VPS13C: variants seen among roughly 807,000 people sequenced by gnomAD.
The protein encoded by VPS13C is vacuolar protein sorting 13 homolog C.
Under a neutral mutation model 456.8 loss-of-function variants are expected in VPS13C, and 358 were observed. The observed-to-expected ratio is 0.78, with a 90% CI of 0.72 to 0.86. The LOEUF (loss-of-function observed/expected upper bound fraction) is 0.86. Among genes scored for constraint, VPS13C ranks in the 40% least tolerant of loss-of-function variants. VPS13C has a pLI of 0.00. For synonymous variants in VPS13C, 1,578 were observed against 1,486.7 expected, an observed-to-expected ratio of 1.06 and a Z score of -1.41; for missense variants, 4,818 against 4,385.4, an observed-to-expected ratio of 1.10 and a Z score of -2.79.
chr15:61,873,959 T>TACACACACAC lies in VPS13C; in HGVS notation c.10415-560_10415-551dup, dbSNP rs67985179. Among the ~76,000 whole-genome samples the TACACACACAC allele has an allele frequency of 5.8e-3, 868 of 149,834 alleles. 9 individuals are homozygous for TACACACACAC. Among genetic ancestry groups the TACACACACAC allele is most frequent in the African/African-American group, 0.02 (796 of 40,812 alleles). On this transcript the variant is annotated intron_variant, in intron 77 of 84. Coordinates refer to ENST00000644861, the MANE Select transcript of VPS13C (RefSeq NM_020821.3). ...GGATGAATGGATAAAGAAAATGTGATACACACACACACACACACAAACAGA... is the reference window on the plus strand; with the variant it reads ...GGATGAATGGATAAAGAAAATGTGATACACACACACACACACACACACACACACAAACAGA...
At chr15:61,910,745 C>G (rs994146002) in intron 63 of VPS13C, among the ~76,000 whole-genome samples, 6 of 152,044 alleles carry the variant, frequency 3.9e-5, no homozygotes, top group African/African-American at 1.4e-4. Context: ...CACCACAGAC[C>G]TTGCTGGAAG....
At chr15:61,977,058 A>G (rs2140368127) in intron 24 of VPS13C, 24 bp downstream of exon 24, 2 of 1,495,480 alleles carry the variant, frequency 1.3e-6, no homozygotes, top group East Asian at 4.7e-5. Flanking sequence ...TGATTTTCTA[A>G]TATAAAAGAA....
intron 8 of VPS13C, 58 bp from the exon 9 acceptor site, chr15:62,020,596 C>G: frequency 6.5e-7 from 1 of 1,540,912 alleles, no homozygotes; most frequent in Non-Finnish European, 8.9e-7. Flanking sequence ...GAATCCATGT[C>G]CTTTACAATA....
chr15:61,919,947 A>C, intron 57 of VPS13C, 120 bp downstream of exon 57: 1 of 985,834 alleles, frequency 1.0e-6, no homozygotes, highest in Non-Finnish European at 1.4e-6. Flanking sequence ...GTTAGCAATT[A>C]TATGTTTCAA....
At position 61,943,472 on chromosome 15, in the gene VPS13C, C is replaced by T. The variant is rs190985678; in HGVS notation, c.5149-1405G>A. ...ACCCAGAAATAAAGCTGTACACCTACAGCCACCTGTTCTTTGACAAAGTCA... is the reference window on the plus strand; with the variant it reads ...ACCCAGAAATAAAGCTGTACACCTATAGCCACCTGTTCTTTGACAAAGTCA... On this transcript the variant is annotated intron_variant, in intron 45 of 84. Coordinates refer to ENST00000644861, the MANE Select transcript of VPS13C (RefSeq NM_020821.3). 1.3e-3 allele frequency among the ~76,000 whole-genome samples: 194 copies of T among 152,242 alleles called. 3 individuals carry two copies. In the Middle Eastern group the frequency reaches 0.024, roughly 19 times the overall value.
intron 77 of VPS13C, among the ~76,000 whole-genome samples, chr15:61,874,534 C>T (rs947892646): frequency 1.3e-5 from 2 of 151,934 alleles, no homozygotes; most frequent in Non-Finnish European, 2.9e-5. Flanking sequence ...AGCATTATCA[C>T]AATATATAGC....
chr15:61,911,982 C>A lies in VPS13C; in HGVS notation c.8573G>T (p.Ser2858Ile). The A allele has an allele frequency of 6.2e-7, 1 of 1,603,084 alleles. No homozygotes were observed. Among genetic ancestry groups the A allele is most frequent in the Non-Finnish European group, 8.5e-7 (1 of 1,174,732 alleles). ...EYLVGVSIKMSSFNLSRIVTL... is the reference protein window; with the variant it reads ...EYLVGVSIKMISFNLSRIVTL... ...AACTATTCGTGAAAGGTTGAAACTG[C>A]TCATTTTGATGCTAACACCAACCTG... is the stretch of plus-strand genomic sequence containing the variant. The change falls in exon 63 of 85, where the codon AGC becomes ATC. Residue 2858 changes from serine (S) to isoleucine (I), a missense_variant. Coordinates refer to ENST00000644861, the MANE Select transcript of VPS13C (RefSeq NM_020821.3).
intron 22 of VPS13C, among the ~76,000 whole-genome samples, chr15:61,979,359 G>C (rs1166289554): frequency 6.6e-6 from 1 of 152,148 alleles, no homozygotes; most frequent in African/African-American, 2.4e-5. Context: ...GATCTAGTTT[G>C]AGTCACTAAG....
rs747995041 is a variant in VPS13C at position 61,881,582 on chromosome 15, T to A, written c.9757A>T (p.Ser3253Cys). 6.2e-7 allele frequency: 1 copy of A among 1,612,258 alleles called. No individual in the cohort carries two copies. The highest frequency in any genetic ancestry group is 2.2e-5 in the East Asian group (1 of 44,752). Reference sequence around the variant, plus strand: ...ACTTACTTGAACTGTAAGACTTTACTGTACTCATTAAATCTTGTGATGACA... The same window carrying A: ...ACTTACTTGAACTGTAAGACTTTACAGTACTCATTAAATCTTGTGATGACA... ...VSVITRFNEY[S>C]KVLQFKYFMV... The change falls in exon 71 of 85, where the codon AGT becomes TGT. Residue 3253 changes from serine (S) to cysteine (C), a missense_variant. By Grantham distance (112) the Ser-to-Cys change is moderately radical. Transcript: ENST00000644861.
chr15:62,049,192 G>C (rs1407551788), intron 1 of VPS13C, among the ~76,000 whole-genome samples: 1 of 152,192 alleles, frequency 6.6e-6, no homozygotes, highest in Non-Finnish European at 1.5e-5. Context: ...CCTATGTCCT[G>C]AATGGTATTG....
At chr15:61,934,366 A>T (rs745507411) in intron 48 of VPS13C, 35 bp from the exon 49 acceptor site, 7 of 1,169,020 alleles carry the variant, frequency 6.0e-6, no homozygotes, top group Non-Finnish European at 8.2e-6. Context: ...TTAAGTAGGT[A>T]CGTAATTTTA....
chr15:61,941,591 G>A (rs2044426574), intron 46 of VPS13C, among the ~76,000 whole-genome samples, 172 bp downstream of exon 46: 1 of 152,022 alleles, frequency 6.6e-6, no homozygotes, highest in African/African-American at 2.4e-5. Context: ...GACTCCATGA[G>A]GCACATACAT....
chr15:61,912,014 G>A lies in VPS13C; in HGVS notation c.8551-10C>T, dbSNP rs371900212. 4.1e-5 allele frequency: 63 copies of A among 1,549,996 alleles called. No homozygotes were observed. The highest frequency in any genetic ancestry group is 4.9e-5 in the Non-Finnish European group (56 of 1,147,066). ...TGATGCTAACACCAACCTGTGGAAA[G>A]GAAAAAAGCTTATTTTCCAGTTTAT... is the stretch of plus-strand genomic sequence containing the variant. On this transcript the variant is annotated splice_polypyrimidine_tract_variant and intron_variant, in intron 62 of 84. Coordinates refer to ENST00000644861, the MANE Select transcript of VPS13C (RefSeq NM_020821.3).
At chr15:62,028,685 C>A (rs1056484165) in intron 5 of VPS13C, among the ~76,000 whole-genome samples, 1 of 152,004 alleles carries the variant, frequency 6.6e-6, no homozygotes, top group African/African-American at 2.4e-5. Context: ...ATATCAATTT[C>A]GGCTAACGGC....
chr15:61,988,659 T>C (rs2046132632), intron 18 of VPS13C, among the ~76,000 whole-genome samples: 1 of 151,348 alleles, frequency 6.6e-6, no homozygotes, highest in Non-Finnish European at 1.5e-5. Context: ...AACACGAGAG[T>C]TTAAAGATTT....
intron 45 of VPS13C, 30 bp downstream of exon 45, chr15:61,945,685 T>G: frequency 6.5e-7 from 1 of 1,529,690 alleles, no homozygotes; most frequent in Non-Finnish European, 8.8e-7. Flanking sequence ...TAGGCCTCAG[T>G]GAGGAATAAA....
chr15:61,934,180 C>A, intron 49 of VPS13C, 39 bp downstream of exon 49: 1 of 1,397,302 alleles, frequency 7.2e-7, no homozygotes. Flanking sequence ...CTATCAAGAG[C>A]TAAGGATTTA....
At chr15:61,865,312 G>C in intron 81 of VPS13C, 3 of 979,666 alleles carry the variant, frequency 3.1e-6, no homozygotes, top group Non-Finnish European at 3.6e-6. Flanking sequence ...ACTGTTAGTA[G>C]AATAATTTAA....
chr15:61,994,362 C>T (rs2046313026), intron 16 of VPS13C, among the ~76,000 whole-genome samples: 1 of 152,146 alleles, frequency 6.6e-6, no homozygotes, highest in South Asian at 2.1e-4. Context: ...TGATTCATTC[C>T]TCTCTTTCAT....
Sources: gnomAD v4.1 joint callset for allele counts (sites outside exome capture counted in the v4.1 genomes callset) on GRCh38, gnomAD v4.1.1 for gene constraint, MANE v1.5 for transcripts, NCBI Gene and HGNC (gene_info 2026-07-23, HGNC 2026-07-21) for gene names.